Variants in ATG10 observed in about 807,000 individuals in gnomAD.
ATG10 encodes ubiquitin-like-conjugating enzyme ATG10.
ATG10 carries 30 observed loss-of-function variants against 32.1 expected under a neutral mutation model. The observed-to-expected ratio is 0.94, with a 90% confidence interval of 0.70 to 1.27. ATG10 has a LOEUF of 1.27. Ranked by LOEUF, ATG10 falls within the 50% of genes most tolerant of loss-of-function variation. The pLI is 0.00. For synonymous variants in ATG10, 87 were observed against 91.5 expected (o/e 0.95, Z 0.28); for missense variants, 233 against 262.3 (o/e 0.89, Z 0.77).
chr5:81,991,759 C>T (rs957200926), intron 2 of ATG10, among the ~76,000 whole-genome samples: 1 of 151,298 alleles, frequency 6.6e-6, no homozygotes, highest in Non-Finnish European at 1.5e-5. Flanking sequence ...CATACTATTG[C>T]ACTCCAGCCT....
At chr5:82,019,768 T>C (rs946272950) in intron 2 of ATG10, among the ~76,000 whole-genome samples, 7 of 152,244 alleles carry the variant, frequency 4.6e-5, no homozygotes, top group African/African-American at 1.7e-4. Context: ...GCTGCTGATT[T>C]GCTCATCTGC....
chr5:82,115,635 C>CCT (rs1349093468), intron 3 of ATG10, among the ~76,000 whole-genome samples: 1 of 152,052 alleles, frequency 6.6e-6, no homozygotes, highest in Non-Finnish European at 1.5e-5. Flanking sequence ...TTTGTAACAT[C>CCT]ATACTGTCTC....
chr5:82,132,772 G>A (rs1325817541), intron 3 of ATG10, among the ~76,000 whole-genome samples: 2 of 152,054 alleles, frequency 1.3e-5, no homozygotes, highest in Non-Finnish European at 2.9e-5. Context: ...GGGTTGCTGG[G>A]TCAAATGGTA....
intron 3 of ATG10, among the ~76,000 whole-genome samples, chr5:82,096,071 A>G (rs528314481): frequency 6.6e-5 from 10 of 152,182 alleles, no homozygotes; most frequent in African/African-American, 7.2e-5. Context: ...AGCATTTATT[A>G]CCAAATACAT....
At chr5:82,180,248 T>C (rs1744181691) in intron 5 of ATG10, among the ~76,000 whole-genome samples, 1 of 152,190 alleles carries the variant, frequency 6.6e-6, no homozygotes, top group South Asian at 2.1e-4. Flanking sequence ...CAAATATGGT[T>C]ATTCATCTCT....
At chr5:82,006,731 T>G (rs1209035690) in intron 2 of ATG10, among the ~76,000 whole-genome samples, 1 of 152,246 alleles carries the variant, frequency 6.6e-6, no homozygotes. Flanking sequence ...AGTGCATTCA[T>G]ATTGTTGTGC....
At position 82,199,612 on chromosome 5, in the gene ATG10, T is replaced by A. The variant is rs540991596; in HGVS notation, c.453+21025T>A. 7.2e-5 allele frequency among the ~76,000 whole-genome samples: 11 copies of A among 152,348 alleles called. No individual in the cohort carries two copies. The South Asian group carries it at 2.3e-3, about 32-fold the overall frequency. ...GGTAAATCTTTCTCTACCTTTTAAC[T>A]ATTAAACTTGCTCCGGTTTATTCAT... On this transcript the variant is annotated intron_variant, in intron 5 of 7. Coordinates refer to ENST00000282185, the MANE Select transcript of ATG10 (RefSeq NM_031482.5).
intron 3 of ATG10, among the ~76,000 whole-genome samples, chr5:82,115,146 A>G (rs1295109840): frequency 6.6e-6 from 1 of 152,120 alleles, no homozygotes; most frequent in Admixed American, 6.6e-5. Context: ...TAGAATGCAT[A>G]GATTTTATCT....
At position 82,129,940 on chromosome 5, in the gene ATG10, C is replaced by G. The variant is rs370853105; in HGVS notation, c.217-34459C>G. On this transcript the variant is annotated intron_variant, in intron 3 of 7. Transcript: ENST00000282185. ...AACGTTTAAGTCTCCTGAAGCTGCC[C>G]CCACAACTGCCCCTTCCCTTAGGTC... is the stretch of plus-strand genomic sequence containing the variant. 7.2e-5 allele frequency among the ~76,000 whole-genome samples: 11 copies of G among 152,266 alleles called. 1 individual carries two copies. The East Asian group carries it at 2.1e-3, about 30-fold the overall frequency.
At chr5:82,090,357 C>CCCACATGT (rs1764842185) in intron 3 of ATG10, among the ~76,000 whole-genome samples, 1 of 152,080 alleles carries the variant, frequency 6.6e-6, no homozygotes, top group Non-Finnish European at 1.5e-5. Context: ...TTAGAAACAA[C>CCCACATGT]CCACATGTCC....
chr5:82,152,205 G>A (rs1365180733), intron 3 of ATG10, among the ~76,000 whole-genome samples: 1 of 152,208 alleles, frequency 6.6e-6, no homozygotes, highest in Non-Finnish European at 1.5e-5. Flanking sequence ...TTGACTTGGT[G>A]CAGATTAGGA....
In ATG10 at chr5:82,193,997, C is replaced by T. The variant is rs180672753; in HGVS notation, c.453+15410C>T. Among the ~76,000 whole-genome samples the T allele has an allele frequency of 1.4e-4, 22 of 152,252 alleles. 1 individual carries two copies. In the East Asian group the frequency reaches 4.2e-3, roughly 29 times the overall value. On this transcript the variant is annotated intron_variant, in intron 5 of 7. Transcript: ENST00000282185. ...CAAGGCTGTCCCCACAGCTGTGGACCATGGGGGAACAAATTGTCTCACAAT... is the reference window on the plus strand; with the variant it reads ...CAAGGCTGTCCCCACAGCTGTGGACTATGGGGGAACAAATTGTCTCACAAT...
At chr5:82,075,833 G>C (rs973252959) in intron 3 of ATG10, among the ~76,000 whole-genome samples, 3 of 152,128 alleles carry the variant, frequency 2.0e-5, no homozygotes, top group Non-Finnish European at 2.9e-5. Context: ...TACTCGGGAG[G>C]CTGAGGCAGG....
At chr5:82,116,252 A>G (rs1372532775) in intron 3 of ATG10, among the ~76,000 whole-genome samples, 2 of 152,110 alleles carry the variant, frequency 1.3e-5, no homozygotes, top group African/African-American at 2.4e-5. Context: ...ATTAGGTCCC[A>G]TAAGGATTAT....
intron 4 of ATG10, among the ~76,000 whole-genome samples, chr5:82,174,521 T>C (rs574588212): frequency 2.6e-5 from 4 of 152,328 alleles, no homozygotes; most frequent in African/African-American, 9.6e-5. Context: ...GACAACAAAA[T>C]CATTTGGAAG....
At chr5:82,110,346 C>G (rs1765579023) in intron 3 of ATG10, among the ~76,000 whole-genome samples, 1 of 152,098 alleles carries the variant, frequency 6.6e-6, no homozygotes, top group Admixed American at 6.6e-5. Context: ...AATGGTATTT[C>G]TAGTTCTAGA....
At chr5:82,144,846 AT>A (rs964284636) in intron 3 of ATG10, among the ~76,000 whole-genome samples, 16 of 151,828 alleles carry the variant, frequency 1.1e-4, no homozygotes, top group African/African-American at 3.9e-4. Flanking sequence ...TTTGACTAAA[AT>A]TTTTTTTAGC....
At chr5:82,171,709 G>C (rs1358294938) in intron 4 of ATG10, among the ~76,000 whole-genome samples, 5 of 152,062 alleles carry the variant, frequency 3.3e-5, no homozygotes, top group African/African-American at 1.2e-4. Context: ...GTGAGTATGA[G>C]GGTTTTTAAA....
chr5:82,121,941 G>GTTTTTT (rs77349086), intron 3 of ATG10, among the ~76,000 whole-genome samples: 12 of 121,000 alleles, frequency 9.9e-5, no homozygotes, highest in African/African-American at 2.3e-4. Flanking sequence ...TTGGCCTGAA[G>GTTTTTT]TTTTTTTTTT....
Sources: allele counts gnomAD v4.1 joint callset (sites outside exome capture counted in the v4.1 genomes callset), GRCh38; gene constraint gnomAD v4.1.1; transcripts MANE v1.5; gene names NCBI Gene and HGNC (gene_info 2026-07-23, HGNC 2026-07-21).